LARP1: variants seen among roughly 807,000 people sequenced by gnomAD.
LARP1 encodes la-related protein 1.
Under a neutral mutation model 122.7 loss-of-function variants are expected in LARP1, and 36 were observed. That is an observed-to-expected ratio of 0.29 (90% CI 0.22 to 0.39). The LOEUF (loss-of-function observed/expected upper bound fraction) is 0.39, where lower values mean the gene tolerates loss of function less well. Ranked by LOEUF, LARP1 falls within the 10% of genes least tolerant of loss-of-function variation. LARP1 has a pLI of 1.00. For synonymous variants in LARP1, 539 were observed against 528.7 expected (o/e 1.02, Z -0.27); for missense variants, 1,040 against 1,403.6 (o/e 0.74, Z 4.14).
rs1759612973 is a variant in LARP1 at position 154,815,577 on chromosome 5, GTC to G, written c.*1484_*1485del. 5 of 152,268 alleles carry G rather than the reference GTC, an allele frequency of 3.3e-5. No individual in the cohort carries two copies. The South Asian group carries it at 1.0e-3, about 32-fold the overall frequency. 9.4% of individuals were successfully genotyped at this position (152,268 alleles called of 1,614,324 possible). On this transcript the variant is annotated 3_prime_UTR_variant, in exon 19 of 19. Coordinates refer to ENST00000518297, the MANE Select transcript of LARP1 (RefSeq NM_033551.3). ...CATTCTCTCCCTAAGGTCTGGTGGA[GTC>G]TCCCCATCTTGCATACCCTTCTGCA...
At chr5:154,733,594 A>C (rs1756710920) in intron 1 of LARP1, among the ~76,000 whole-genome samples, 1 of 148,640 alleles carries the variant, frequency 6.7e-6, no homozygotes, top group Admixed American at 6.8e-5. Flanking sequence ...ACGGAGTCTC[A>C]CTCTGTTGCC....
At chr5:154,771,394 A>G (rs1295538884) in intron 1 of LARP1, among the ~76,000 whole-genome samples, 1 of 152,168 alleles carries the variant, frequency 6.6e-6, no homozygotes, top group Non-Finnish European at 1.5e-5. Context: ...TACAGTGACA[A>G]TCCTCATTTT....
chr5:154,703,822 T>C, intron 1 of LARP1, among the ~76,000 whole-genome samples: 1 of 152,234 alleles, frequency 6.6e-6, no homozygotes, highest in East Asian at 1.9e-4. Flanking sequence ...GGTTTCACTA[T>C]GTTGGCCAGG....
In LARP1 at chr5:154,814,398, AATT is replaced by A. The variant is rs1759529476; in HGVS notation, c.*306_*308del. On this transcript the variant is annotated 3_prime_UTR_variant, in exon 19 of 19. Transcript: ENST00000518297. Reference sequence around the variant, plus strand: ...ATACATATATATATATCAAGTTTTAAATTATTGATAGTTCATCTGGATTACCAA... The same window carrying A: ...ATACATATATATATATCAAGTTTTAAATTGATAGTTCATCTGGATTACCAA... The A allele has an allele frequency of 6.4e-6, 1 of 157,366 alleles. No individual in the cohort carries two copies. The highest frequency in any genetic ancestry group is 2.4e-5 in the African/African-American group (1 of 41,448). The allele number at this position is 157,366 out of a possible 1,614,324, so 9.7% of individuals were successfully genotyped here. A position where few individuals can be genotyped will look rare whatever the true frequency, so the allele number is the denominator to read the frequency against.
chr5:154,754,916 C>T (rs1387715582), upstream of LARP1, among the ~76,000 whole-genome samples: 2 of 152,202 alleles, frequency 1.3e-5, no homozygotes, highest in African/African-American at 4.8e-5. Context: ...ATGGCTCCTT[C>T]CCCTGAATCT....
At chr5:154,696,730 T>A (rs773400757) in intron 1 of LARP1, among the ~76,000 whole-genome samples, 9 of 152,202 alleles carry the variant, frequency 5.9e-5, no homozygotes, top group Non-Finnish European at 8.8e-5. Flanking sequence ...TCTTGTATCA[T>A]CTGTAAATCA....
chr5:154,755,484 G>A lies in LARP1; in HGVS notation c.-274G>A. On this transcript the variant is annotated 5_prime_UTR_variant, in exon 1 of 19. Transcript: ENST00000518297. ...GCCGGGCTCGGGGTGGGGGCGTCTT[G>A]CGAGGAACGGGCGGGGGGGGACGCA... 1 of 936,340 alleles carries A rather than the reference G, an allele frequency of 1.1e-6. No individual in the cohort carries two copies. The highest frequency in any genetic ancestry group is 1.3e-6 in the Non-Finnish European group (1 of 783,972). 58.0% of individuals were successfully genotyped at this position (936,340 alleles called of 1,614,324 possible). A position where few individuals can be genotyped will look rare whatever the true frequency, so the allele number is the denominator to read the frequency against.
At chr5:154,729,185 T>C (rs1756407082) in intron 1 of LARP1, 1 of 158,758 alleles carries the variant, frequency 6.3e-6, no homozygotes, top group Non-Finnish European at 1.4e-5. Flanking sequence ...ACAAAACTCT[T>C]TTCTTCCTTT....
chr5:154,747,970 G>A (rs1324527007), intron 1 of LARP1, among the ~76,000 whole-genome samples: 3 of 152,136 alleles, frequency 2.0e-5, no homozygotes, highest in Admixed American at 6.5e-5. Context: ...CCATCCTTCT[G>A]TCTCAGTCTT....
intron 1 of LARP1, among the ~76,000 whole-genome samples, chr5:154,742,627 G>A (rs996401870): frequency 1.3e-5 from 2 of 151,332 alleles, no homozygotes; most frequent in Non-Finnish European, 2.9e-5. Context: ...CTATTCGGGA[G>A]TCTGAGGTGA....
chr5:154,763,594 G>A (rs1481876907), intron 1 of LARP1, among the ~76,000 whole-genome samples: 2 of 151,902 alleles, frequency 1.3e-5, no homozygotes, highest in African/African-American at 4.8e-5. Flanking sequence ...CAAGTGAGCT[G>A]TGATTGTGCC....
chr5:154,768,951 C>T (rs1755179685), intron 1 of LARP1, among the ~76,000 whole-genome samples: 1 of 152,194 alleles, frequency 6.6e-6, no homozygotes, highest in South Asian at 2.1e-4. Context: ...AAGCAATTCT[C>T]CTGTGTCAGC....
intron 1 of LARP1, 88 bp downstream of exon 1, chr5:154,756,281 GT>G: frequency 9.9e-7 from 1 of 1,014,744 alleles, no homozygotes; most frequent in Non-Finnish European, 1.2e-6. Flanking sequence ...GGGCCCCGGG[GT>G]CTGCTACCGG....
intron 1 of LARP1, among the ~76,000 whole-genome samples, chr5:154,727,994 G>C (rs371343526): frequency 7.2e-5 from 11 of 152,128 alleles, no homozygotes; most frequent in African/African-American, 2.7e-4. Flanking sequence ...CTCAAACCCC[G>C]GTGGTGGAGG....
At chr5:154,809,218 G>A (rs984136275) in intron 16 of LARP1, among the ~76,000 whole-genome samples, 1 of 151,138 alleles carries the variant, frequency 6.6e-6, no homozygotes, top group Non-Finnish European at 1.5e-5. Context: ...TAATCCCAGC[G>A]CTTCGGGAGG....
At chr5:154,775,178 T>C (rs530826665) in intron 1 of LARP1, among the ~76,000 whole-genome samples, 22 of 152,214 alleles carry the variant, frequency 1.4e-4, no homozygotes, top group African/African-American at 5.3e-4. Context: ...CCAGCTAATT[T>C]AGTCACAGCT....
intron 1 of LARP1, among the ~76,000 whole-genome samples, chr5:154,746,326 G>A (rs1418096756): frequency 6.6e-6 from 1 of 152,220 alleles, no homozygotes; most frequent in African/African-American, 2.4e-5. Context: ...CTTTTGGCCA[G>A]TCTCACCGTG....
At chr5:154,795,910 TTTA>T (rs1168346557) in intron 8 of LARP1, among the ~76,000 whole-genome samples, 18 of 123,770 alleles carry the variant, frequency 1.5e-4, no homozygotes, top group African/African-American at 5.5e-4. Flanking sequence ...ATATTATATA[TTTA>T]TTATATATTT....
chr5:154,770,310 G>T (rs538332543), intron 1 of LARP1, among the ~76,000 whole-genome samples: 3 of 151,216 alleles, frequency 2.0e-5, no homozygotes, highest in African/African-American at 7.3e-5. Context: ...TTGCTATTTC[G>T]TATTTCCTCC....
Sources: allele counts gnomAD v4.1 joint callset (sites outside exome capture counted in the v4.1 genomes callset), GRCh38; gene constraint gnomAD v4.1.1; transcripts MANE v1.5; gene names NCBI Gene and HGNC (gene_info 2026-07-23, HGNC 2026-07-21).